MYO3B: variants seen among roughly 807,000 people sequenced by gnomAD.
MYO3B encodes the protein myosin-IIIb.
Under a neutral mutation model 174.6 loss-of-function variants are expected in MYO3B, and 156 were observed. That is an observed-to-expected ratio of 0.89 (90% CI 0.78 to 1.02). MYO3B has a LOEUF of 1.02. Among genes scored for constraint, MYO3B ranks in the 50% least tolerant of loss-of-function variants. The pLI, the probability that MYO3B is intolerant of heterozygous loss-of-function variation, is 0.00. For missense variants in MYO3B, 1,632 were observed against 1,639.4 expected (o/e 1.00, Z 0.08); for synonymous variants, 563 against 569.1 (o/e 0.99, Z 0.15).
Position 170,453,455 on chromosome 2 carries a change from A to ACACACACACACAC in MYO3B, c.2730+9409_2730+9410insCACACACACACAC, listed in dbSNP as rs1559016281. Among the ~76,000 whole-genome samples, 443 of 102,074 alleles carry ACACACACACACAC rather than the reference A, an allele frequency of 4.3e-3. 2 individuals carry two copies. The highest frequency in any genetic ancestry group is 0.023 in the Middle Eastern group (5 of 216). 67.0% of individuals were successfully genotyped at this position (102,074 alleles called of 152,430 possible). ...ACACACACACACACACACACACACG[A>ACACACACACACAC]GAGAGAGAGAGAGAAAGAGAGAGCG... On this transcript the variant is annotated intron_variant, in intron 23 of 34. Transcript: ENST00000408978.
intron 32 of MYO3B, among the ~76,000 whole-genome samples, chr2:170,544,321 A>G (rs1171591791): frequency 6.6e-6 from 1 of 152,248 alleles, no homozygotes; most frequent in Non-Finnish European, 1.5e-5. Flanking sequence ...GTCGAAATCT[A>G]GGAGTTGATA....
chr2:170,292,547 G>T (rs1475417488), intron 7 of MYO3B, among the ~76,000 whole-genome samples: 5 of 151,772 alleles, frequency 3.3e-5, no homozygotes, highest in Non-Finnish European at 7.4e-5. Context: ...AGCTTGTTTT[G>T]GTTTTTATTA....
At chr2:170,220,689 C>A (rs1396040569) in intron 6 of MYO3B, among the ~76,000 whole-genome samples, 1 of 149,354 alleles carries the variant, frequency 6.7e-6, no homozygotes, top group African/African-American at 2.5e-5. Context: ...TTATGGTGAG[C>A]TTTTTGCTCA....
At chr2:170,619,177 C>T (rs888001899) in intron 32 of MYO3B, among the ~76,000 whole-genome samples, 9 of 152,210 alleles carry the variant, frequency 5.9e-5, no homozygotes, top group East Asian at 3.9e-4. Flanking sequence ...CCCATGCATC[C>T]GTTTATAGGC....
intron 30 of MYO3B, among the ~76,000 whole-genome samples, chr2:170,521,421 A>G (rs1232338954): frequency 1.3e-5 from 2 of 152,236 alleles, no homozygotes; most frequent in African/African-American, 4.8e-5. Context: ...AAGTCAGTGA[A>G]CCAGTTTGGA....
At chr2:170,638,805 C>G (rs565622252) in intron 32 of MYO3B, among the ~76,000 whole-genome samples, 48 of 152,184 alleles carry the variant, frequency 3.2e-4, no homozygotes, top group Non-Finnish European at 2.1e-4. Context: ...CTACCTCAGT[C>G]CACCCCTCTC....
chr2:170,428,200 G>A (rs1226554617), intron 22 of MYO3B, among the ~76,000 whole-genome samples: 1 of 152,196 alleles, frequency 6.6e-6, no homozygotes, highest in African/African-American at 2.4e-5. Context: ...CTGGTTGCCT[G>A]TGTTAGCTGT....
At chr2:170,456,535 A>T (rs949058926) in intron 23 of MYO3B, among the ~76,000 whole-genome samples, 6 of 152,320 alleles carry the variant, frequency 3.9e-5, no homozygotes, top group African/African-American at 1.4e-4. Flanking sequence ...AACCCAGTTC[A>T]ACATGGGGTA....
intron 32 of MYO3B, among the ~76,000 whole-genome samples, chr2:170,613,359 A>G (rs551460148): frequency 2.0e-5 from 3 of 152,204 alleles, no homozygotes; most frequent in Admixed American, 2.0e-4. Context: ...TCTTAAGTCT[A>G]TGTTGAACTC....
chr2:170,196,012 T>C (rs560813083), intron 1 of MYO3B, among the ~76,000 whole-genome samples: 3 of 152,320 alleles, frequency 2.0e-5, no homozygotes, highest in Non-Finnish European at 2.9e-5. Context: ...GAGTTGTTCA[T>C]TTTTCCCTCA....
rs779602683 is a variant in MYO3B, at chr2:170,383,189, G to A, written c.1185G>A (p.Gln395=). 1.1e-5 allele frequency: 17 copies of A among 1,560,430 alleles called. No individual in the cohort carries two copies. The South Asian group carries it at 1.3e-4, about 12-fold the overall frequency. Reference sequence around the variant, plus strand: ...AGAATCTAAGCATATACTCTCCACAGGTAAGGGATGTTTTAAGAGCATACT... The same window carrying A: ...AGAATCTAAGCATATACTCTCCACAAGTAAGGGATGTTTTAAGAGCATACT... The part of the protein sequence containing the change: ...PFQNLSIYSP[Q]FSRLYHGVKR... The change falls in exon 11 of 35, where the codon CAG becomes CAA. Residue 395 remains glutamine, a splice_region_variant and synonymous_variant. Coordinates refer to ENST00000408978, the MANE Select transcript of MYO3B (RefSeq NM_138995.5).
At chr2:170,540,662 C>CA (rs146736182) in intron 30 of MYO3B, among the ~76,000 whole-genome samples, 36,073 of 143,286 alleles carry the variant, frequency 0.25, 4,806 homozygotes, top group Non-Finnish European at 0.32. Flanking sequence ...AAACAAAAAA[C>CA]AACAAAAAAA....
At chr2:170,354,266 G>T (rs2094102086) in intron 8 of MYO3B, among the ~76,000 whole-genome samples, 1 of 152,074 alleles carries the variant, frequency 6.6e-6, no homozygotes, top group African/African-American at 2.4e-5. Flanking sequence ...ATCAGTTCTG[G>T]TTCCTTTTTT....
At chr2:170,479,449 G>T in intron 25 of MYO3B, among the ~76,000 whole-genome samples, 4 of 142,446 alleles carry the variant, frequency 2.8e-5, no homozygotes, top group African/African-American at 5.1e-5. Context: ...ATAAAATATA[G>T]ATTTTATATA....
chr2:170,476,268 GT>G (rs1245356593), intron 25 of MYO3B, among the ~76,000 whole-genome samples: 1 of 152,208 alleles, frequency 6.6e-6, no homozygotes, highest in African/African-American at 2.4e-5. Flanking sequence ...AAGTGGGCAT[GT>G]TACAGTGCAC....
chr2:170,334,235 A>G lies in MYO3B; in HGVS notation c.750-1150A>G, dbSNP rs1233119014. On this transcript the variant is annotated intron_variant, in intron 7 of 34. Transcript: ENST00000408978. ...TACTTCTATTTATATATCATTGACT[A>G]GAACTTGATCACAGAACCACATCTA... The G allele has an allele frequency of 4.6e-5, 7 of 152,384 alleles. No individual in the cohort carries two copies. In the East Asian group the frequency reaches 1.3e-3, roughly 29 times the overall value. 9.4% of individuals were successfully genotyped at this position (152,384 alleles called of 1,614,324 possible). A position where few individuals can be genotyped will look rare whatever the true frequency, so the allele number is the denominator to read the frequency against.
chr2:170,236,176 G>A (rs2093068290), intron 7 of MYO3B, 40 bp downstream of exon 7: 2 of 1,611,008 alleles, frequency 1.2e-6, no homozygotes, highest in African/African-American at 1.3e-5. Flanking sequence ...TTAGTTCTTT[G>A]TGAAAGCGTC....
At chr2:170,200,414 T>G in intron 3 of MYO3B, 130 bp downstream of exon 3, 1 of 948,184 alleles carries the variant, frequency 1.1e-6, no homozygotes, top group South Asian at 2.2e-5. Flanking sequence ...CACAGGTACC[T>G]CACCAGATGT....
chr2:170,542,079 A>G (rs1191619757), intron 30 of MYO3B, among the ~76,000 whole-genome samples: 1 of 144,132 alleles, frequency 6.9e-6, no homozygotes, highest in Non-Finnish European at 1.6e-5. Context: ...ATACTACAGA[A>G]ACTTACCCAA....
Sources: gnomAD v4.1 joint callset for allele counts (sites outside exome capture counted in the v4.1 genomes callset) on GRCh38, gnomAD v4.1.1 for gene constraint, MANE v1.5 for transcripts, NCBI Gene and HGNC (gene_info 2026-07-23, HGNC 2026-07-21) for gene names.